NRXN1: variants seen among roughly 807,000 people sequenced by gnomAD.
The protein encoded by NRXN1 is neurexin-1.
A neutral mutation model predicts 150.9 loss-of-function variants in NRXN1; 39 were observed. The observed-to-expected ratio is 0.26, with a 90% CI of 0.20 to 0.34. NRXN1 has a LOEUF of 0.34. NRXN1 is among the 10% of genes least tolerant of loss of function. NRXN1 has a pLI of 1.00. For synonymous variants in NRXN1, 924 were observed against 757.0 expected, an observed-to-expected ratio of 1.22 and a Z score of -3.62; for missense variants, 1,815 against 1,949.9, an observed-to-expected ratio of 0.93 and a Z score of 1.30.
At chr2:50,052,225 ATTC>A (rs1339938454) in intron 21 of NRXN1, among the ~76,000 whole-genome samples, 1 of 152,156 alleles carries the variant, frequency 6.6e-6, no homozygotes, top group Non-Finnish European at 1.5e-5. Context: ...TATAATTATC[ATTC>A]TTGCTTCTTC....
intron 5 of NRXN1, among the ~76,000 whole-genome samples, chr2:50,649,924 A>G (rs1268683897): frequency 1.3e-5 from 2 of 152,016 alleles, no homozygotes; most frequent in African/African-American, 4.8e-5. Flanking sequence ...GTGGTCATCT[A>G]CATTCTCACT....
At chr2:49,934,294 G>A (rs976007438) in intron 22 of NRXN1, among the ~76,000 whole-genome samples, 13 of 152,022 alleles carry the variant, frequency 8.6e-5, no homozygotes, top group African/African-American at 3.1e-4. Context: ...CTCTGGAATT[G>A]CACAGTGTAC....
At position 50,147,824 on chromosome 2, in the gene NRXN1, C is replaced by A. The variant is rs543487800; in HGVS notation, c.3547-56330G>T. Among the ~76,000 whole-genome samples the A allele has an allele frequency of 9.2e-5, 14 of 151,808 alleles. 1 individual carries two copies. In the South Asian group the frequency reaches 2.9e-3, roughly 31 times the overall value. On this transcript the variant is annotated intron_variant, in intron 18 of 22. Coordinates refer to ENST00000401669, the MANE Select transcript of NRXN1 (RefSeq NM_001330078.2). ...ATACAAAACAGTTATAGCTAGAAAT[C>A]CCATGGTGTCTTTTAAAGTACTGAA...
intron 5 of NRXN1, among the ~76,000 whole-genome samples, chr2:50,816,351 T>G (rs1668933288): frequency 6.6e-6 from 1 of 152,120 alleles, no homozygotes; most frequent in Non-Finnish European, 1.5e-5. Context: ...CCTCACAGAA[T>G]GAAGCCAGGA....
intron 8 of NRXN1, among the ~76,000 whole-genome samples, chr2:50,575,527 T>C (rs1339839942): frequency 6.6e-6 from 1 of 152,316 alleles, no homozygotes; most frequent in South Asian, 2.1e-4. Context: ...GCTATAGTTA[T>C]GTGTGCCAAA....
At chr2:50,615,514 AG>A (rs928937623) in intron 8 of NRXN1, 4 of 152,208 alleles carry the variant, frequency 2.6e-5, no homozygotes, top group African/African-American at 7.2e-5. Flanking sequence ...TAATAATTGC[AG>A]GAACAGGTTC....
Position 50,290,608 on chromosome 2 carries a change from A to G in NRXN1, c.3365-53638T>C, listed in dbSNP as rs558494903. 1.5e-4 allele frequency among the ~76,000 whole-genome samples: 23 copies of G among 152,304 alleles called. No individual in the cohort carries two copies. The South Asian group carries it at 3.5e-3, about 23-fold the overall frequency. The stretch of plus-strand genomic sequence containing the variant: ...ACGTTCTCTAGCCAGCTAGGCAACA[A>G]GCTCTCCATGAAGGAGGCCAAGCCA... On this transcript the variant is annotated intron_variant, in intron 17 of 22. Transcript: ENST00000401669.
At chr2:50,961,705 C>T (rs571828612) in intron 2 of NRXN1, among the ~76,000 whole-genome samples, 1 of 151,632 alleles carries the variant, frequency 6.6e-6, no homozygotes, top group Middle Eastern at 3.4e-3. Flanking sequence ...GATTCTAGTC[C>T]CTCCAAGAGT....
intron 22 of NRXN1, among the ~76,000 whole-genome samples, chr2:49,941,327 C>A (rs144534774): frequency 1.3e-5 from 2 of 150,438 alleles, no homozygotes; most frequent in Non-Finnish European, 3.0e-5. Flanking sequence ...AGACAAAAAT[C>A]GGGTGAACAA....
At chr2:50,019,160 C>A (rs1193252654) in intron 21 of NRXN1, 11 of 470,814 alleles carry the variant, frequency 2.3e-5, no homozygotes, top group Non-Finnish European at 4.4e-6. Flanking sequence ...CTCATCCTAT[C>A]CCTTTGCACA....
chr2:50,995,642 C>A (rs975597694), intron 2 of NRXN1, among the ~76,000 whole-genome samples: 41 of 149,426 alleles, frequency 2.7e-4, no homozygotes, highest in African/African-American at 1.0e-3. Context: ...GGATCCTAGA[C>A]CTCAGGGTAC....
chr2:50,664,691 TA>T (rs1191267946), intron 5 of NRXN1, among the ~76,000 whole-genome samples: 10 of 151,290 alleles, frequency 6.6e-5, no homozygotes, highest in African/African-American at 2.2e-4. Flanking sequence ...GCCATGAGTT[TA>T]AAAACCAAAG....
intron 15 of NRXN1, among the ~76,000 whole-genome samples, chr2:50,484,601 T>A (rs959413345): frequency 6.6e-6 from 1 of 152,160 alleles, no homozygotes; most frequent in African/African-American, 2.4e-5. Context: ...TACTAGATTT[T>A]CCAGAGCCTA....
chr2:49,945,462 C>A (rs139092889), intron 21 of NRXN1, among the ~76,000 whole-genome samples: 10 of 151,102 alleles, frequency 6.6e-5, no homozygotes, highest in African/African-American at 2.2e-4. Context: ...TATGTATACA[C>A]GTGCCATGGT....
chr2:50,064,738 A>C (rs2152653654), intron 19 of NRXN1, among the ~76,000 whole-genome samples: 1 of 152,318 alleles, frequency 6.6e-6, no homozygotes, highest in South Asian at 2.1e-4. Context: ...TTACTTCCAA[A>C]GTTCATCAAT....
At chr2:50,523,763 G>C (rs978991839) in intron 12 of NRXN1, among the ~76,000 whole-genome samples, 1 of 152,132 alleles carries the variant, frequency 6.6e-6, no homozygotes, top group Admixed American at 6.5e-5. Flanking sequence ...CAAGTCAAAA[G>C]CGAGGTCAAG....
At chr2:50,270,693 CAG>C (rs1319645807) in intron 17 of NRXN1, among the ~76,000 whole-genome samples, 2 of 137,720 alleles carry the variant, frequency 1.5e-5, no homozygotes, top group African/African-American at 5.5e-5. Context: ...TTTTTTGAAA[CAG>C]AGTCTCATTT....
intron 5 of NRXN1, among the ~76,000 whole-genome samples, chr2:50,870,523 C>A (rs1304027151): frequency 6.6e-6 from 1 of 151,946 alleles, no homozygotes; most frequent in Non-Finnish European, 1.5e-5. Flanking sequence ...CTAATTACAG[C>A]TCTGCATTTG....
chr2:50,592,603 A>G (rs1351584055), intron 8 of NRXN1, among the ~76,000 whole-genome samples: 4 of 152,204 alleles, frequency 2.6e-5, no homozygotes, highest in Non-Finnish European at 5.9e-5. Context: ...AAGTGAAAAG[A>G]CTTCCAAGGA....
Sources: gnomAD v4.1 joint callset for allele counts (sites outside exome capture counted in the v4.1 genomes callset) on GRCh38, gnomAD v4.1.1 for gene constraint, MANE v1.5 for transcripts, NCBI Gene and HGNC (gene_info 2026-07-23, HGNC 2026-07-21) for gene names.